The following ESRRG variants were observed in gnomAD, a reference collection of about 807,000 sequenced individuals.
ESRRG encodes the protein estrogen related receptor gamma.
A neutral mutation model predicts 44.0 loss-of-function variants in ESRRG; 13 were observed. The observed-to-expected ratio is 0.30, with a 90% CI of 0.19 to 0.47. The LOEUF (loss-of-function observed/expected upper bound fraction) is 0.47, where lower values mean the gene tolerates loss of function less well. Ranked by LOEUF, ESRRG falls within the 20% of genes least tolerant of loss-of-function variation. The probability of loss-of-function intolerance (pLI) is 1.00; values close to 1 mark genes in which losing one functional copy is unlikely to be tolerated. For missense variants in ESRRG, 395 were observed against 580.6 expected (o/e 0.68, Z 3.29); for synonymous variants, 215 against 214.6 (o/e 1.00, Z -0.02).
chr1:216,547,000 T>TATGTCCATG (rs1157437420), intron 5 of ESRRG, among the ~76,000 whole-genome samples: 1 of 151,720 alleles, frequency 6.6e-6, no homozygotes, highest in Non-Finnish European at 1.5e-5. Flanking sequence ...TTCCACTCCC[T>TATGTCCATG]ATGTCCATGT....
chr1:216,759,000 A>G (rs1156254816), intron 2 of ESRRG, among the ~76,000 whole-genome samples: 3 of 152,062 alleles, frequency 2.0e-5, no homozygotes, highest in Non-Finnish European at 1.5e-5. Flanking sequence ...AACTTGCAGG[A>G]GGTCACACTG....
intron 1 of ESRRG, among the ~76,000 whole-genome samples, chr1:216,699,393 A>G (rs1223375275): frequency 1.3e-5 from 2 of 152,202 alleles, no homozygotes; most frequent in African/African-American, 4.8e-5. Flanking sequence ...TGAAATTCAT[A>G]TATTCAAAGG....
intron 5 of ESRRG, among the ~76,000 whole-genome samples, chr1:216,539,922 A>G (rs1337794215): frequency 6.6e-6 from 1 of 152,030 alleles, no homozygotes; most frequent in Non-Finnish European, 1.5e-5. Context: ...CTACCCTCTA[A>G]AGAACAGTCA....
At chr1:216,564,507 A>G (rs1357491381) in intron 4 of ESRRG, 127 bp from the exon 5 acceptor site, 20 of 660,214 alleles carry the variant, frequency 3.0e-5, no homozygotes, top group African/African-American at 2.6e-4. Flanking sequence ...TATTCCAATT[A>G]TGGCTCAATA....
chr1:216,576,553 T>C (rs1036978621), intron 3 of ESRRG, among the ~76,000 whole-genome samples: 1 of 152,062 alleles, frequency 6.6e-6, no homozygotes, highest in African/African-American at 2.4e-5. Flanking sequence ...GCATCCAAAA[T>C]ACAGTTGTGG....
At chr1:216,896,800 CA>C (rs1299572337) in intron 2 of ESRRG, among the ~76,000 whole-genome samples, 1 of 152,158 alleles carries the variant, frequency 6.6e-6, no homozygotes, top group Admixed American at 6.5e-5. Context: ...TAACTATAAT[CA>C]GCCATATTAT....
At chr1:217,071,013 A>G (rs1374755323) in intron 1 of ESRRG, among the ~76,000 whole-genome samples, 1 of 151,814 alleles carries the variant, frequency 6.6e-6, no homozygotes. Context: ...CCTTCTCTCC[A>G]CTTTCTCTTC....
chr1:216,965,569 T>G (rs565313659), intron 1 of ESRRG, among the ~76,000 whole-genome samples: 1 of 152,136 alleles, frequency 6.6e-6, no homozygotes, highest in Non-Finnish European at 1.5e-5. Flanking sequence ...GCCCGTCTTC[T>G]AGGAATTCCC....
At chr1:216,955,313 T>A (rs2067747754) in intron 1 of ESRRG, among the ~76,000 whole-genome samples, 1 of 152,210 alleles carries the variant, frequency 6.6e-6, no homozygotes, top group African/African-American at 2.4e-5. Flanking sequence ...TTGCCTGATT[T>A]ATTTCACTTG....
At position 216,907,400 on chromosome 1, in the gene ESRRG, C is replaced by T. The variant is rs537085805; in HGVS notation, c.-14+32182G>A. Among the ~76,000 whole-genome samples, 3 of 152,244 alleles carry T rather than the reference C, an allele frequency of 2.0e-5. 1 individual carries two copies. The highest frequency in any genetic ancestry group is 7.2e-5 in the African/African-American group (3 of 41,536). On this transcript the variant is annotated intron_variant, in intron 2 of 7. Coordinates refer to the ESRRG transcript ENST00000359162. ...GCTCGGCAACTGTTTTATCAACCTG[C>T]ACAGCATTAGGAGGGAGATGCCGCA...
intron 3 of ESRRG, among the ~76,000 whole-genome samples, chr1:216,588,076 A>G (rs1322519299): frequency 1.3e-5 from 2 of 152,176 alleles, no homozygotes; most frequent in African/African-American, 4.8e-5. Context: ...TTTTGTGGGT[A>G]TGGTACATTA....
chr1:216,861,462 C>G (rs562645821), intron 2 of ESRRG, among the ~76,000 whole-genome samples: 303 of 151,858 alleles, frequency 2.0e-3, no homozygotes, highest in African/African-American at 7.0e-3. Flanking sequence ...ATACATGTAT[C>G]AAAATATCAC....
intron 1 of ESRRG, among the ~76,000 whole-genome samples, chr1:216,682,689 A>C (rs1468966121): frequency 2.3e-5 from 3 of 131,200 alleles, no homozygotes; most frequent in African/African-American, 8.6e-5. Flanking sequence ...TTAAAAAATA[A>C]AAAGCTCTTA....
chr1:216,629,951 TAAAAG>T (rs1251175995), intron 3 of ESRRG, among the ~76,000 whole-genome samples: 1 of 152,138 alleles, frequency 6.6e-6, no homozygotes, highest in Non-Finnish European at 1.5e-5. Context: ...GTAAAAATTT[TAAAAG>T]AAAAAGGGCC....
At chr1:216,717,126 C>T (rs1053067598) in intron 1 of ESRRG, among the ~76,000 whole-genome samples, 3 of 151,838 alleles carry the variant, frequency 2.0e-5, no homozygotes, top group African/African-American at 4.8e-5. Flanking sequence ...TGTGTATATA[C>T]ACACATATAT....
chr1:217,104,464 C>T (rs1186898053), intron 1 of ESRRG, among the ~76,000 whole-genome samples: 1 of 152,206 alleles, frequency 6.6e-6, no homozygotes, highest in Non-Finnish European at 1.5e-5. Flanking sequence ...GCCGAGTGGC[C>T]TTGGGTAATT....
At chr1:217,040,643 A>G (rs1474032718) in intron 1 of ESRRG, among the ~76,000 whole-genome samples, 1 of 152,162 alleles carries the variant, frequency 6.6e-6, no homozygotes, top group Non-Finnish European at 1.5e-5. Context: ...ATATCTTCAC[A>G]TTGCTAGTAC....
intron 2 of ESRRG, among the ~76,000 whole-genome samples, chr1:216,843,222 T>A (rs2095682249): frequency 6.6e-6 from 1 of 152,026 alleles, no homozygotes; most frequent in African/African-American, 2.4e-5. Context: ...TGTTTTTTTT[T>A]AATATTTTAT....
rs184895765 is a variant in ESRRG at position 216,918,806 on chromosome 1, C to A, written c.-14+20776G>T. ...AATCCCTATATTTGAAATCAGAGAA[C>A]CTGAAAACCAGAGTAACATTTCTGA... On this transcript the variant is annotated intron_variant, in intron 2 of 7. Coordinates refer to the ESRRG transcript ENST00000359162. 6.5e-3 allele frequency among the ~76,000 whole-genome samples: 962 copies of A among 148,330 alleles called. 10 individuals carry two copies. The highest frequency in any genetic ancestry group is 0.023 in the African/African-American group (921 of 40,756).
Sources: allele counts gnomAD v4.1 joint callset (sites outside exome capture counted in the v4.1 genomes callset), GRCh38; gene constraint gnomAD v4.1.1; transcripts MANE v1.5; gene names NCBI Gene and HGNC (gene_info 2026-07-23, HGNC 2026-07-21).